The following GPC6 variants were observed in gnomAD, a reference collection of about 807,000 sequenced individuals.
GPC6 encodes glypican-6.
GPC6 carries 14 observed loss-of-function variants against 55.2 expected under a neutral mutation model. The observed-to-expected ratio is 0.25, with a 90% CI of 0.17 to 0.40. GPC6 has a LOEUF of 0.40. GPC6 is among the 10% of genes least tolerant of loss of function. GPC6 has a pLI of 1.00. For missense variants in GPC6, 641 were observed against 708.5 expected (o/e 0.90, Z 1.08); for synonymous variants, 278 against 259.6 (o/e 1.07, Z -0.68).
rs1052402573 is a variant in GPC6 at position 93,728,523 on chromosome 13, G to A, written c.320-101631G>A. ...CCCAAAGTGAAAGGATTACTGGTGT[G>A]AGCCACCATACCCAGCCTTATTTTA... On this transcript the variant is annotated intron_variant, in intron 2 of 8. Coordinates refer to ENST00000377047, the MANE Select transcript of GPC6 (RefSeq NM_005708.5). Among the ~76,000 whole-genome samples the A allele has an allele frequency of 3.3e-5, 5 of 151,360 alleles. No homozygotes were observed. The South Asian group carries it at 1.0e-3, about 32-fold the overall frequency.
rs1881326761 is a variant in GPC6, at chr13:94,405,336, A to T, written c.*2119A>T. ...TGGCTTCCTACCACAAATTCCACATAAGACTTCTCTATGAAGGACCAGTCA... is the reference window on the plus strand; with the variant it reads ...TGGCTTCCTACCACAAATTCCACATTAGACTTCTCTATGAAGGACCAGTCA... On this transcript the variant is annotated 3_prime_UTR_variant, in exon 9 of 9. Transcript: ENST00000377047. The T allele has an allele frequency of 6.6e-6, 1 of 152,198 alleles. No homozygotes were observed. The highest frequency in any genetic ancestry group is 2.1e-4 in the South Asian group (1 of 4,828). The allele number at this position is 152,198 out of a possible 1,614,324, so 9.4% of individuals were successfully genotyped here. A position where few individuals can be genotyped will look rare whatever the true frequency, so the allele number is the denominator to read the frequency against.
intron 1 of GPC6, among the ~76,000 whole-genome samples, chr13:93,527,647 A>G (rs192671936): frequency 6.6e-6 from 1 of 152,274 alleles, no homozygotes; most frequent in East Asian, 1.9e-4. Context: ...AATTTTAGAA[A>G]GAGACCTCTT....
intron 2 of GPC6, among the ~76,000 whole-genome samples, chr13:93,818,178 C>G (rs1185420382): frequency 6.7e-6 from 1 of 149,900 alleles, no homozygotes; most frequent in East Asian, 1.9e-4. Context: ...GTAGAATATA[C>G]AAAAATATTA....
At chr13:93,441,403 G>T (rs1877795659) in intron 1 of GPC6, among the ~76,000 whole-genome samples, 1 of 152,056 alleles carries the variant, frequency 6.6e-6, no homozygotes, top group Non-Finnish European at 1.5e-5. Flanking sequence ...GGTGTGAGAT[G>T]GTATCTCATT....
At position 94,381,146 on chromosome 13, in the gene GPC6, TAATA is replaced by T. The variant is rs1880136802; in HGVS notation, c.1153-1262_1153-1259del. Among the ~76,000 whole-genome samples the T allele has an allele frequency of 2.0e-5, 3 of 152,308 alleles. No homozygotes were observed. In the South Asian group the frequency reaches 6.2e-4, roughly 32 times the overall value. ...AAATTACTAGTTTTCCTTTTGTAAT[TAATA>T]AATAATCTGTGTTACTAGGTACTTT... On this transcript the variant is annotated intron_variant, in intron 6 of 8. Transcript: ENST00000377047.
At chr13:94,007,869 G>A (rs1441153293) in intron 3 of GPC6, among the ~76,000 whole-genome samples, 2 of 151,680 alleles carry the variant, frequency 1.3e-5, no homozygotes, top group Non-Finnish European at 2.9e-5. Flanking sequence ...TGAATCTAAC[G>A]TACATTTTTA....
At chr13:93,424,160 G>A (rs1183809021) in intron 1 of GPC6, among the ~76,000 whole-genome samples, 1 of 152,200 alleles carries the variant, frequency 6.6e-6, no homozygotes, top group Non-Finnish European at 1.5e-5. Context: ...AAAGAAACAG[G>A]ATTGGGCAGA....
intron 2 of GPC6, among the ~76,000 whole-genome samples, chr13:93,812,696 A>G (rs1886735073): frequency 6.6e-6 from 1 of 152,184 alleles, no homozygotes; most frequent in Non-Finnish European, 1.5e-5. Context: ...AATAATGACC[A>G]AGGGTGTTTG....
chr13:93,407,097 T>A (rs1018791998), intron 1 of GPC6, among the ~76,000 whole-genome samples: 1 of 152,174 alleles, frequency 6.6e-6, no homozygotes, highest in Non-Finnish European at 1.5e-5. Flanking sequence ...TCACCAATGT[T>A]AAGTTTCTTT....
chr13:94,163,501 A>G (rs1888242067), intron 4 of GPC6, among the ~76,000 whole-genome samples: 1 of 152,224 alleles, frequency 6.6e-6, no homozygotes, highest in Admixed American at 6.5e-5. Flanking sequence ...ATTTTTAAAA[A>G]TAATCCCTTA....
chr13:94,023,349 G>A (rs1051554804), intron 3 of GPC6, among the ~76,000 whole-genome samples: 1 of 151,284 alleles, frequency 6.6e-6, no homozygotes, highest in African/African-American at 2.4e-5. Context: ...CCAGTTGGTG[G>A]ATCATTTTGG....
chr13:93,739,689 A>G (rs1884134488), intron 2 of GPC6, among the ~76,000 whole-genome samples: 1 of 152,092 alleles, frequency 6.6e-6, no homozygotes, highest in Non-Finnish European at 1.5e-5. Context: ...TCCACGTCCC[A>G]AAGTGCTGGG....
chr13:93,341,086 C>A (rs906280487), intron 1 of GPC6, among the ~76,000 whole-genome samples: 3 of 152,144 alleles, frequency 2.0e-5, no homozygotes, highest in African/African-American at 7.2e-5. Context: ...TACATTATTT[C>A]ATTCGTTTTT....
intron 1 of GPC6, among the ~76,000 whole-genome samples, chr13:93,521,059 A>T (rs536930585): frequency 6.6e-6 from 1 of 152,084 alleles, no homozygotes; most frequent in East Asian, 1.9e-4. Context: ...TATATGTTAG[A>T]TTTTGTATTT....
chr13:93,834,031 C>A (rs906543237), intron 3 of GPC6, among the ~76,000 whole-genome samples: 1 of 152,106 alleles, frequency 6.6e-6, no homozygotes, highest in East Asian at 1.9e-4. Flanking sequence ...ATATCAGGAA[C>A]CTCCATGCAT....
chr13:93,738,418 GT>G (rs1283602864), intron 2 of GPC6, among the ~76,000 whole-genome samples: 2 of 152,120 alleles, frequency 1.3e-5, no homozygotes, highest in Admixed American at 1.3e-4. Context: ...TTTCATGACA[GT>G]TTTTTCCCAT....
intron 2 of GPC6, among the ~76,000 whole-genome samples, chr13:93,652,506 C>A (rs1217170848): frequency 6.6e-6 from 1 of 152,166 alleles, no homozygotes; most frequent in Admixed American, 6.5e-5. Flanking sequence ...CTTATTAACA[C>A]CCTTGTTAGG....
At chr13:94,028,884 C>A (rs1294795064) in intron 4 of GPC6, among the ~76,000 whole-genome samples, 2 of 152,194 alleles carry the variant, frequency 1.3e-5, no homozygotes, top group East Asian at 3.9e-4. Flanking sequence ...CAGGAAAATA[C>A]ACAGGCCTTG....
intron 2 of GPC6, among the ~76,000 whole-genome samples, chr13:93,657,816 AG>A (rs1487053585): frequency 6.6e-6 from 1 of 152,164 alleles, no homozygotes; most frequent in Non-Finnish European, 1.5e-5. Flanking sequence ...GCTTCTCAAA[AG>A]AAGACATACA....
Sources: gnomAD v4.1 joint callset for allele counts (sites outside exome capture counted in the v4.1 genomes callset) on GRCh38, gnomAD v4.1.1 for gene constraint, MANE v1.5 for transcripts, NCBI Gene and HGNC (gene_info 2026-07-23, HGNC 2026-07-21) for gene names.